TRPV2: variants seen among roughly 807,000 people sequenced by gnomAD.
The protein encoded by TRPV2 is transient receptor potential cation channel subfamily V member 2, also known as OTRPC2.
In TRPV2, 58 loss-of-function variants were observed where a neutral mutation model predicts 91.0. The observed-to-expected ratio is 0.64, with a 90% CI of 0.52 to 0.79. The LOEUF (loss-of-function observed/expected upper bound fraction) is 0.79, where lower values mean the gene tolerates loss of function less well. Among genes scored for constraint, TRPV2 ranks in the 30% least tolerant of loss-of-function variants. The pLI, the probability that TRPV2 is intolerant of heterozygous loss-of-function variation, is 0.00. For synonymous variants in TRPV2, 417 were observed against 414.8 expected (o/e 1.01, Z -0.06); for missense variants, 807 against 969.6 (o/e 0.83, Z 2.23).
In TRPV2 at chr17:16,435,209, T is replaced by C. The variant is rs929367500; in HGVS notation, c.2194+240T>C. 2.0e-5 allele frequency among the ~76,000 whole-genome samples: 3 copies of C among 152,192 alleles called. No individual in the cohort carries two copies. The highest frequency in any genetic ancestry group is 7.2e-5 in the African/African-American group (3 of 41,432). On this transcript the variant is annotated intron_variant, in intron 14 of 14. Coordinates refer to ENST00000338560, the MANE Select transcript of TRPV2 (RefSeq NM_016113.5). This position sits in a 1 kb window ranked among gnomAD's most constrained non-coding sequence, Gnocchi z 4.2. ...GGGAAACCTCTGAGGCTGTTAGCGC[T>C]TCCACCAGCCCAGCCTCTGGCTGCC...
At chr17:16,434,112 T>A (rs994797859) in intron 13 of TRPV2, among the ~76,000 whole-genome samples, 8 of 152,110 alleles carry the variant, frequency 5.3e-5, no homozygotes, top group Non-Finnish European at 1.0e-4. Context: ...AACATGCCCT[T>A]CTGTGTCCAG....
In TRPV2 at chr17:16,435,424, C is replaced by T. The variant is rs2093430886; in HGVS notation, c.2194+455C>T. 1.3e-5 allele frequency among the ~76,000 whole-genome samples: 2 copies of T among 152,152 alleles called. No individual in the cohort carries two copies. Among genetic ancestry groups the T allele is most frequent in the Admixed American group, 6.5e-5 (1 of 15,274 alleles). ...TCAGAGGAACTGCCCTGCATAGGCC[C>T]TTAGTCCCTTCACACCCCAAGTCCC... On this transcript the variant is annotated intron_variant, in intron 14 of 14. Coordinates refer to ENST00000338560, the MANE Select transcript of TRPV2 (RefSeq NM_016113.5). The surrounding 1 kb of genome is among the most constrained non-coding windows in gnomAD (Gnocchi z 4.2).
At chr17:16,427,103 ATGTGCCCCAAAACCCT>A (rs1412441888) in intron 7 of TRPV2, among the ~76,000 whole-genome samples, 19 of 152,184 alleles carry the variant, frequency 1.2e-4, no homozygotes, top group Admixed American at 1.2e-3. Flanking sequence ...TGACTAATTA[ATGTGCCCCAAAACCCT>A]TGAGATGGTG....
intron 3 of TRPV2, among the ~76,000 whole-genome samples, chr17:16,421,504 C>A (rs1438389991): frequency 6.6e-6 from 1 of 151,054 alleles, no homozygotes; most frequent in African/African-American, 2.4e-5. Context: ...CAGGCGTGAG[C>A]CACCGCGCCT....
In TRPV2 at chr17:16,425,182, G is replaced by A. The variant is rs902958208; in HGVS notation, c.925-917G>A. Among the ~76,000 whole-genome samples, 5 of 151,922 alleles carry A rather than the reference G, an allele frequency of 3.3e-5. No homozygotes were observed. The South Asian group carries it at 6.2e-4, about 19-fold the overall frequency. ...TGGGATTACAGGCATGTGCCACCAC[G>A]CCCGGCTAATTTTGTATTTTTAGTA... On this transcript the variant is annotated intron_variant, in intron 5 of 14. Transcript: ENST00000338560.
chr17:16,422,354 GAAAAAGAAAA>G (rs1454599527), intron 3 of TRPV2, among the ~76,000 whole-genome samples: 1 of 148,844 alleles, frequency 6.7e-6, no homozygotes, highest in Non-Finnish European at 1.5e-5. Flanking sequence ...GAAAAGAAAA[GAAAAAGAAAA>G]AAAAAGAAAT....
At position 16,423,482 on chromosome 17, in the gene TRPV2, C is replaced by T. The variant is rs1438460511; in HGVS notation, c.639C>T (p.Leu213=). The part of the protein sequence containing the change: ...GTCFYFGELP[L]SLAACTKQWD... ...CTTGGCCTGCAGGTGAGCTACCCCT[C>T]TCTTTGGCCGCTTGCACCAAGCAGT... Residue 213 remains leucine, a synonymous_variant, in exon 5 of 15, where the codon CTC becomes CTT. Coordinates refer to ENST00000338560, the MANE Select transcript of TRPV2 (RefSeq NM_016113.5). 10 of 1,607,522 alleles carry T rather than the reference C, an allele frequency of 6.2e-6. No homozygotes were observed. Among genetic ancestry groups the T allele is most frequent in the Non-Finnish European group, 8.5e-6 (10 of 1,175,932 alleles).
intron 13 of TRPV2, 69 bp downstream of exon 13, chr17:16,433,767 G>A: frequency 1.3e-6 from 2 of 1,575,722 alleles, no homozygotes; most frequent in Admixed American, 1.8e-5. Context: ...CCCCTGCAGT[G>A]CAGGGCACAG....
intron 5 of TRPV2, among the ~76,000 whole-genome samples, chr17:16,425,429 G>C (rs1568911994): frequency 2.6e-5 from 4 of 152,212 alleles, no homozygotes. Flanking sequence ...GCTTACCAAT[G>C]GCCTGTTCCA....
At position 16,422,738 on chromosome 17, in the gene TRPV2, T is replaced by A. The variant is rs903915315; in HGVS notation, c.474T>A (p.Asp158Glu). 45 of 1,594,228 alleles carry A rather than the reference T, an allele frequency of 2.8e-5. No homozygotes were observed. Among genetic ancestry groups the A allele is most frequent in the Non-Finnish European group, 3.8e-5 (45 of 1,169,414 alleles). Residue 158 changes from aspartate to glutamate, a missense_variant, in exon 4 of 15, where the codon GAT (aspartate) becomes GAA (glutamate). By Grantham distance (45) the Asp-to-Glu change is conservative (BLOSUM62 2). Coordinates refer to ENST00000338560, the MANE Select transcript of TRPV2 (RefSeq NM_016113.5). ...CCCTGGTAAATGCCCAGTGCACAGA[T>A]GACTATTACCGAGGCCACAGCGCTC... ...PQPLVNAQCT[D>E]DYYRGHSALH...
At chr17:16,430,491 T>C (rs112607470) in intron 10 of TRPV2, among the ~76,000 whole-genome samples, 1 of 151,468 alleles carries the variant, frequency 6.6e-6, no homozygotes, top group African/African-American at 2.4e-5. Flanking sequence ...GCCTTCCTTT[T>C]TTTTTTTTTT....
At chr17:16,434,729 G>T (rs554572067) in intron 13 of TRPV2, 161 bp from the exon 14 acceptor site, 2 of 610,880 alleles carry the variant, frequency 3.3e-6, no homozygotes, top group African/African-American at 3.8e-5. Flanking sequence ...CAAGTGGGTG[G>T]CCCAGAACCC....
In TRPV2 at chr17:16,435,080, T is replaced by A; in HGVS notation, c.2194+111T>A. 2 of 790,952 alleles carry A rather than the reference T, an allele frequency of 2.5e-6. No individual in the cohort carries two copies. Among genetic ancestry groups the A allele is most frequent in the East Asian group, 6.3e-5 (2 of 31,624 alleles). The allele number at this position is 790,952 out of a possible 1,614,324, so 49.0% of individuals were successfully genotyped here. On this transcript the variant is annotated intron_variant, in intron 14 of 14. Coordinates refer to ENST00000338560, the MANE Select transcript of TRPV2 (RefSeq NM_016113.5). The surrounding 1 kb of genome is among the most constrained non-coding windows in gnomAD (Gnocchi z 4.2). ...ACCCAGAGACCTCCTCATAGTCCCT[T>A]TGCAGATCCCCACATGCCAGCTCCT...
At chr17:16,434,319 G>T (rs1374928380) in intron 13 of TRPV2, among the ~76,000 whole-genome samples, 2 of 151,916 alleles carry the variant, frequency 1.3e-5, no homozygotes, top group Middle Eastern at 3.2e-3. Flanking sequence ...ATACAAAAAA[G>T]TAGCCGGGCG....
rs372298752 is a variant in TRPV2 at position 16,427,539 on chromosome 17, G to A, written c.1342G>A (p.Val448Met). Residue 448 changes from valine (V) to methionine (M), a missense_variant, in exon 8 of 15, where the codon GTG (valine) becomes ATG (methionine). Val to Met is a conservative substitution (Grantham distance 21). Coordinates refer to ENST00000338560, the MANE Select transcript of TRPV2 (RefSeq NM_016113.5). ...LILLGGIYLLVGQLWYFWRRH... is the reference protein window; with the variant it reads ...LILLGGIYLLMGQLWYFWRRH... The stretch of plus-strand genomic sequence containing the variant: ...CCTGCTAGGGGGGATCTACCTCCTC[G>A]TGGGCCAGGTGAGTGCCCCTCCCCT... The A allele has an allele frequency of 1.1e-5, 18 of 1,611,564 alleles. No individual in the cohort carries two copies. The highest frequency in any genetic ancestry group is 1.4e-5 in the Non-Finnish European group (16 of 1,178,436).
Position 16,426,415 on chromosome 17 carries a change from G to A in TRPV2, c.1095+146G>A. Reference sequence around the variant, plus strand: ...TGCATGTCCCAGCAGGCACGACCCTGACCATGGCCACCGGGCCCATACTCA... The same window carrying A: ...TGCATGTCCCAGCAGGCACGACCCTAACCATGGCCACCGGGCCCATACTCA... On this transcript the variant is annotated intron_variant, in intron 6 of 14. Transcript: ENST00000338560. The surrounding 1 kb of genome is among the most constrained non-coding windows in gnomAD (Gnocchi z 6.0). 9.6e-7 allele frequency: 1 copy of A among 1,044,378 alleles called. No individual in the cohort carries two copies. The highest frequency in any genetic ancestry group is 2.4e-5 in the Admixed American group (1 of 41,262). 64.7% of individuals were successfully genotyped at this position (1,044,378 alleles called of 1,614,324 possible).
At chr17:16,430,270 C>A (rs2093403584) in intron 10 of TRPV2, among the ~76,000 whole-genome samples, 1 of 152,098 alleles carries the variant, frequency 6.6e-6, no homozygotes, top group South Asian at 2.1e-4. Context: ...TCTTGTCATC[C>A]CAAACTGAAA....
rs548028285 is a variant in TRPV2, at chr17:16,419,424, T to C, written c.201-691T>C. On this transcript the variant is annotated intron_variant, in intron 2 of 14. Coordinates refer to ENST00000338560, the MANE Select transcript of TRPV2 (RefSeq NM_016113.5). ...TTGGGCCCAGGTAATGCTCTGTTTCTGGGAAATTTCTTGCTGCCAAGCCTA... is the reference window on the plus strand; with the variant it reads ...TTGGGCCCAGGTAATGCTCTGTTTCCGGGAAATTTCTTGCTGCCAAGCCTA... 76 of 470,912 alleles carry C rather than the reference T, an allele frequency of 1.6e-4. 1 individual carries two copies. Among genetic ancestry groups the C allele is most frequent in the African/African-American group, 1.2e-3 (59 of 50,136 alleles). The allele number at this position is 470,912 out of a possible 1,614,324, so 29.2% of individuals were successfully genotyped here.
chr17:16,420,060 T>C (rs1428244141), intron 2 of TRPV2, 55 bp from the exon 3 acceptor site: 86 of 1,586,050 alleles, frequency 5.4e-5, no homozygotes, highest in Non-Finnish European at 7.1e-5. Flanking sequence ...TGGAGGGCTT[T>C]TGGGGGGGCC....
Sources: allele counts gnomAD v4.1 joint callset (sites outside exome capture counted in the v4.1 genomes callset), GRCh38; gene constraint gnomAD v4.1.1; non-coding constraint Gnocchi (gnomAD v3.1); transcripts MANE v1.5; gene names NCBI Gene and HGNC (gene_info 2026-07-23, HGNC 2026-07-21).